The following MARCO variants were observed in gnomAD, a reference collection of about 807,000 sequenced individuals.
MARCO encodes macrophage receptor MARCO.
In MARCO, 72 loss-of-function variants were observed where a neutral mutation model predicts 70.0. The observed-to-expected ratio is 1.03, with a 90% CI of 0.85 to 1.25. The LOEUF (loss-of-function observed/expected upper bound fraction) is 1.25, where lower values mean the gene tolerates loss of function less well. Among genes scored for constraint, MARCO ranks in the 50% most tolerant of loss-of-function variants. MARCO has a pLI of 0.00. For missense variants in MARCO, 696 were observed against 659.3 expected, an observed-to-expected ratio of 1.06 and a Z score of -0.61; for synonymous variants, 273 against 243.1, an observed-to-expected ratio of 1.12 and a Z score of -1.14.
At chr2:118,955,034 G>A (rs1173353184) in intron 1 of MARCO, among the ~76,000 whole-genome samples, 18 of 138,478 alleles carry the variant, frequency 1.3e-4, no homozygotes, top group African/African-American at 5.2e-4. Context: ...CTCAACCCCC[G>A]CCCTGCCAAA....
chr2:118,960,154 T>C (rs1679915820), intron 1 of MARCO, among the ~76,000 whole-genome samples: 4 of 151,616 alleles, frequency 2.6e-5, no homozygotes, highest in Non-Finnish European at 2.9e-5. Context: ...AATAAAACTT[T>C]TTTTGTAGAT....
intron 1 of MARCO, among the ~76,000 whole-genome samples, chr2:118,957,234 G>A (rs374198846): frequency 2.0e-4 from 30 of 151,880 alleles, no homozygotes; most frequent in East Asian, 1.4e-3. Flanking sequence ...TTGATAGACC[G>A]TTAACAAGAT....
chr2:118,967,506 G>T (rs1680075303), intron 1 of MARCO, among the ~76,000 whole-genome samples: 1 of 152,080 alleles, frequency 6.6e-6, no homozygotes, highest in Non-Finnish European at 1.5e-5. Flanking sequence ...GTGTTGTGGG[G>T]CTCACTCAGG....
chr2:118,989,705 T>G (rs1025213264), intron 12 of MARCO, among the ~76,000 whole-genome samples: 6 of 152,202 alleles, frequency 3.9e-5, no homozygotes. Context: ...CTGAGCTCCA[T>G]GCTTGGCTGG....
chr2:118,990,157 T>A (rs1680593485), intron 12 of MARCO, among the ~76,000 whole-genome samples: 1 of 152,234 alleles, frequency 6.6e-6, no homozygotes, highest in Non-Finnish European at 1.5e-5. Flanking sequence ...GCATCTACTA[T>A]GCAGGAGGAC....
At chr2:118,989,080 C>T (rs2104609528) in intron 12 of MARCO, among the ~76,000 whole-genome samples, 1 of 152,330 alleles carries the variant, frequency 6.6e-6, no homozygotes, top group South Asian at 2.1e-4. Flanking sequence ...GGCTGTCAGA[C>T]TTTGGAACCA....
chr2:118,969,095 G>A (rs1680111327), intron 1 of MARCO, 65 bp from the exon 2 acceptor site: 2 of 1,160,260 alleles, frequency 1.7e-6, no homozygotes, highest in Non-Finnish European at 1.3e-6. Flanking sequence ...AGGGCCTGGA[G>A]CAGGCAGGGA....
intron 4 of MARCO, among the ~76,000 whole-genome samples, chr2:118,972,540 C>T (rs780256767): frequency 5.9e-5 from 9 of 152,000 alleles, no homozygotes; most frequent in Admixed American, 4.6e-4. Flanking sequence ...TGTCCTCCCC[C>T]GTAAGATGGA....
chr2:118,990,702 G>T, intron 13 of MARCO, 69 bp downstream of exon 13: 7 of 1,492,802 alleles, frequency 4.7e-6, no homozygotes, highest in Non-Finnish European at 6.5e-6. Context: ...CAGAGGGCAG[G>T]TCTTGTTGAC....
intron 6 of MARCO, among the ~76,000 whole-genome samples, chr2:118,976,120 A>G (rs1381551455): frequency 6.6e-6 from 1 of 152,164 alleles, no homozygotes; most frequent in African/African-American, 2.4e-5. Flanking sequence ...TTCAAGAAGG[A>G]ATAGAGCTGG....
At chr2:118,990,566 C>A (rs199539941) in intron 12 of MARCO, 23 bp from the exon 13 acceptor site, 36 of 1,563,048 alleles carry the variant, frequency 2.3e-5, no homozygotes, top group East Asian at 4.5e-5. Context: ...TCCTCCCCCC[C>A]CCCTTTTTTG....
chr2:118,953,304 GA>G (rs1679763716), intron 1 of MARCO, among the ~76,000 whole-genome samples: 1 of 152,238 alleles, frequency 6.6e-6, no homozygotes, highest in Non-Finnish European at 1.5e-5. Flanking sequence ...GAGGCTTGAA[GA>G]AAGTTAGTCC....
At chr2:118,954,258 G>T (rs1453375756) in intron 1 of MARCO, among the ~76,000 whole-genome samples, 1 of 152,164 alleles carries the variant, frequency 6.6e-6, no homozygotes, top group African/African-American at 2.4e-5. Flanking sequence ...TGGCCCTTTG[G>T]TTTGTGTGGG....
At chr2:118,974,013 G>A (rs1680226071) in intron 4 of MARCO, among the ~76,000 whole-genome samples, 1 of 152,164 alleles carries the variant, frequency 6.6e-6, no homozygotes, top group African/African-American at 2.4e-5. Flanking sequence ...GGACATCCCT[G>A]TGTAATTAGT....
At position 118,969,244 on chromosome 2, in the gene MARCO, G is replaced by A; in HGVS notation, c.182G>A (p.Gly61Glu). ...IYLILLTAGA[G>E]LLVVQVLNLQ... is the part of the protein sequence containing the mutation. The stretch of plus-strand genomic sequence containing the variant: ...CTGATCCTGCTCACCGCTGGCGCTG[G>A]GCTGCTGGTGGTCCAAGGTAAAGCA... The change falls in exon 2 of 17, where the codon GGG (glycine) becomes GAG (glutamate). Residue 61 changes from glycine to glutamate, a missense_variant. By Grantham distance (98) the Gly-to-Glu change is moderately conservative. This residue lies in a region of MARCO where 605 missense variants were observed against 537.6 expected (regional missense o/e 1.13). Transcript: ENST00000327097. The A allele has an allele frequency of 6.2e-7, 1 of 1,614,082 alleles. No homozygotes were observed. Among genetic ancestry groups the A allele is most frequent in the Non-Finnish European group, 8.5e-7 (1 of 1,179,922 alleles).
intron 14 of MARCO, among the ~76,000 whole-genome samples, chr2:118,992,171 C>A (rs181124125): frequency 6.6e-6 from 1 of 152,318 alleles, no homozygotes; most frequent in East Asian, 1.9e-4. Flanking sequence ...ATGAGCCCAT[C>A]CCACTCCATA....
chr2:118,946,643 G>GC (rs34584553), intron 1 of MARCO, among the ~76,000 whole-genome samples: 56,630 of 151,928 alleles, frequency 0.37, 12,878 homozygotes, highest in African/African-American at 0.63. Flanking sequence ...TTCTGTAAGT[G>GC]TTTTGTGTGA....
chr2:118,982,163 T>G lies in MARCO; in HGVS notation c.909T>G (p.Pro303=). 6.2e-7 allele frequency: 1 copy of G among 1,609,218 alleles called. No individual in the cohort carries two copies. The highest frequency in any genetic ancestry group is 1.3e-5 in the African/African-American group (1 of 74,928). ...TCACTACTTTCCTTTCAGGACAACC[T>G]GGACTGCAGGGTGTTCCGGGCCCTC... ...FPGAKGDQGQ[P]GLQGVPGPPG... is the part of the protein sequence containing the mutation. The change falls in exon 11 of 17, where the codon CCT becomes CCG. Residue 303 remains proline (P), a synonymous_variant. Transcript: ENST00000327097.
chr2:118,994,632 G>C lies in MARCO; in HGVS notation c.*112G>C. The C allele has an allele frequency of 9.2e-7, 1 of 1,084,080 alleles. No individual in the cohort carries two copies. Among genetic ancestry groups the C allele is most frequent in the East Asian group, 2.5e-5 (1 of 39,780 alleles). 67.2% of individuals were successfully genotyped at this position (1,084,080 alleles called of 1,614,324 possible). ...GACAACTGAGCAGCCTCTGGAGAGG[G>C]GCCATTAATAAAGCTCAACATCATT... is the stretch of plus-strand genomic sequence containing the variant. On this transcript the variant is annotated 3_prime_UTR_variant, in exon 17 of 17. Transcript: ENST00000327097.
Sources: gnomAD v4.1 joint callset for allele counts (sites outside exome capture counted in the v4.1 genomes callset) on GRCh38, gnomAD v4.1.1 for gene constraint, gnomAD v4.1.1 regional missense constraint, MANE v1.5 for transcripts, NCBI Gene and HGNC (gene_info 2026-07-23, HGNC 2026-07-21) for gene names.